Variants in EFR3B observed in about 807,000 individuals in gnomAD.
EFR3B encodes EFR3 homolog B.
A neutral mutation model predicts 104.7 loss-of-function variants in EFR3B; 64 were observed. The observed-to-expected ratio is 0.61, with a 90% CI of 0.50 to 0.75. The LOEUF (loss-of-function observed/expected upper bound fraction) is 0.75. Ranked by LOEUF, EFR3B falls within the 30% of genes least tolerant of loss-of-function variation. The pLI, the probability that EFR3B is intolerant of heterozygous loss-of-function variation, is 0.00. For synonymous variants in EFR3B, 385 were observed against 417.9 expected, an observed-to-expected ratio of 0.92 and a Z score of 0.96; for missense variants, 750 against 1,078.5, an observed-to-expected ratio of 0.70 and a Z score of 4.27.
At chr2:25,115,424 C>T (rs1382964217) in intron 4 of EFR3B, among the ~76,000 whole-genome samples, 1 of 152,180 alleles carries the variant, frequency 6.6e-6, no homozygotes, top group Non-Finnish European at 1.5e-5. Flanking sequence ...TCACTTGCTC[C>T]CTTTAAGCCT....
chr2:25,133,049 C>A, intron 11 of EFR3B, 35 bp downstream of exon 11: 1 of 1,522,690 alleles, frequency 6.6e-7, no homozygotes, highest in Non-Finnish European at 8.9e-7. Flanking sequence ...TGGAGTCCTC[C>A]TCTCCCCCAG....
rs577176193 is a variant in EFR3B, at chr2:25,148,347, G to A, written c.2143-1347G>A. On this transcript the variant is annotated intron_variant, in intron 19 of 22. Transcript: ENST00000403714. ...TGGCTCACTGCAATCTCCACCTCCC[G>A]GTTTCAAGCAATTCTCTTGCCTCAG... Among the ~76,000 whole-genome samples the A allele has an allele frequency of 4.0e-4, 61 of 151,448 alleles. 1 individual carries two copies. The highest frequency in any genetic ancestry group is 1.0e-3 in the African/African-American group (42 of 41,356).
chr2:25,118,457 A>T (rs1201606073), intron 4 of EFR3B, among the ~76,000 whole-genome samples: 1 of 152,156 alleles, frequency 6.6e-6, no homozygotes, highest in Non-Finnish European at 1.5e-5. Context: ...GTGTATACAC[A>T]GATATGCCAC....
At chr2:25,117,920 C>T (rs1029952838) in intron 4 of EFR3B, among the ~76,000 whole-genome samples, 3 of 152,188 alleles carry the variant, frequency 2.0e-5, no homozygotes, top group African/African-American at 7.2e-5. Flanking sequence ...CAGCCCCTGG[C>T]AATCACCCTT....
chr2:25,066,751 G>A (rs1249997867), intron 1 of EFR3B, among the ~76,000 whole-genome samples: 1 of 152,152 alleles, frequency 6.6e-6, no homozygotes. Flanking sequence ...TAATGCACTT[G>A]ATGCATTTTG....
chr2:25,096,479 A>AT (rs1007027656), intron 3 of EFR3B, among the ~76,000 whole-genome samples: 3 of 152,058 alleles, frequency 2.0e-5, no homozygotes, highest in African/African-American at 7.2e-5. Flanking sequence ...GCTATGTATG[A>AT]TCTTTAACAC....
Position 25,131,687 on chromosome 2 carries a change from G to C in EFR3B, c.986-63G>C. On this transcript the variant is annotated intron_variant, in intron 9 of 22. Coordinates refer to ENST00000403714, the MANE Select transcript of EFR3B (RefSeq NM_014971.2). The surrounding 1 kb of genome is among the most constrained non-coding windows in gnomAD (Gnocchi z 7.6). Reference sequence around the variant, plus strand: ...GGGCGTGACCCTGCCCTGCCTGCGCGCGGTGCACAGAGGAGGAGGGTGCCA... The same window carrying C: ...GGGCGTGACCCTGCCCTGCCTGCGCCCGGTGCACAGAGGAGGAGGGTGCCA... 6.8e-7 allele frequency: 1 copy of C among 1,478,914 alleles called. No individual in the cohort carries two copies. The highest frequency in any genetic ancestry group is 9.0e-7 in the Non-Finnish European group (1 of 1,109,410). 91.6% of individuals were successfully genotyped at this position (1,478,914 alleles called of 1,614,324 possible).
chr2:25,070,884 C>T (rs892780997), intron 1 of EFR3B, among the ~76,000 whole-genome samples: 15 of 152,146 alleles, frequency 9.9e-5, no homozygotes, highest in Admixed American at 8.5e-4. Flanking sequence ...TGCAGAGATC[C>T]GCACGTTAAT....
rs962758900 is a variant in EFR3B at position 25,114,391 on chromosome 2, C to A, written c.364-7282C>A. Among the ~76,000 whole-genome samples the A allele has an allele frequency of 9.9e-5, 15 of 152,160 alleles. No homozygotes were observed. Among genetic ancestry groups the A allele is most frequent in the African/African-American group, 3.6e-4 (15 of 41,438 alleles). On this transcript the variant is annotated intron_variant, in intron 4 of 22. Coordinates refer to ENST00000403714, the MANE Select transcript of EFR3B (RefSeq NM_014971.2). This position sits in a 1 kb window ranked among gnomAD's most constrained non-coding sequence, Gnocchi z 4.0. Reference sequence around the variant, plus strand: ...CCACAAGCTGTCAAACCAAGGGATCCTAAGGAGGCTCGAGATCCTGGTACC... The same window carrying A: ...CCACAAGCTGTCAAACCAAGGGATCATAAGGAGGCTCGAGATCCTGGTACC...
In EFR3B at chr2:25,155,827, G is replaced by A. The variant is rs899461344; in HGVS notation, c.*1487G>A. ...CTTTCCAAAGGAGGCAGGGTGAGTA[G>A]ATTTCTTGATCCAAAGGAATCCGTT... On this transcript the variant is annotated 3_prime_UTR_variant, in exon 23 of 23. Coordinates refer to ENST00000403714, the MANE Select transcript of EFR3B (RefSeq NM_014971.2). 1 of 152,108 alleles carries A rather than the reference G, an allele frequency of 6.6e-6. No homozygotes were observed. The highest frequency in any genetic ancestry group is 2.4e-5 in the African/African-American group (1 of 41,414). The allele number at this position is 152,108 out of a possible 1,614,324, so 9.4% of individuals were successfully genotyped here.
chr2:25,105,546 G>A (rs1247116205), intron 4 of EFR3B, among the ~76,000 whole-genome samples: 2 of 152,156 alleles, frequency 1.3e-5, no homozygotes, highest in Non-Finnish European at 2.9e-5. Flanking sequence ...TCCTTCCAAG[G>A]ACCAAGAGTA....
intron 3 of EFR3B, 103 bp downstream of exon 3, chr2:25,093,233 G>T: frequency 7.0e-7 from 1 of 1,428,696 alleles, no homozygotes. Context: ...AGTGGCTCAC[G>T]CCTGTAATCC....
intron 1 of EFR3B, among the ~76,000 whole-genome samples, chr2:25,067,761 T>C (rs1668379024): frequency 6.6e-6 from 1 of 152,208 alleles, no homozygotes; most frequent in Non-Finnish European, 1.5e-5. Flanking sequence ...TCAATTCAGC[T>C]GCTGCCTAGT....
At position 25,042,714 on chromosome 2, in the gene EFR3B, A is replaced by G; in HGVS notation, c.7+395A>G. 1.0e-6 allele frequency: 1 copy of G among 990,678 alleles called. No individual in the cohort carries two copies. The highest frequency in any genetic ancestry group is 1.2e-6 in the Non-Finnish European group (1 of 832,828). The allele number at this position is 990,678 out of a possible 1,614,324, so 61.4% of individuals were successfully genotyped here. On this transcript the variant is annotated intron_variant, in intron 1 of 22. Coordinates refer to ENST00000403714, the MANE Select transcript of EFR3B (RefSeq NM_014971.2). This position sits in a 1 kb window ranked among gnomAD's most constrained non-coding sequence, Gnocchi z 5.4. The stretch of plus-strand genomic sequence containing the variant: ...TGGGAAGCCGGTCCAGGGCTGAGGG[A>G]GACGCCCGCGGCCGGTCGTCTGCGC...
At chr2:25,100,161 G>A (rs559393014) in intron 3 of EFR3B, among the ~76,000 whole-genome samples, 4 of 152,072 alleles carry the variant, frequency 2.6e-5, no homozygotes, top group South Asian at 2.1e-4. Context: ...CCGAGATTGC[G>A]CCATTGCACT....
chr2:25,052,611 C>T (rs1417525877), intron 1 of EFR3B, among the ~76,000 whole-genome samples: 1 of 150,930 alleles, frequency 6.6e-6, no homozygotes, highest in Non-Finnish European at 1.5e-5. Flanking sequence ...ATGCAATTCT[C>T]CTGCCTCAGC....
chr2:25,056,776 C>T (rs1454075202), intron 1 of EFR3B, among the ~76,000 whole-genome samples: 1 of 152,150 alleles, frequency 6.6e-6, no homozygotes, highest in Non-Finnish European at 1.5e-5. Flanking sequence ...ACGTTCTCCT[C>T]TCCCCCAGAC....
chr2:25,125,676 C>T (rs920895899), intron 5 of EFR3B, among the ~76,000 whole-genome samples: 5 of 152,170 alleles, frequency 3.3e-5, no homozygotes, highest in African/African-American at 1.2e-4. Flanking sequence ...AGGCCAGGCA[C>T]GGTGGCTCAC....
At chr2:25,056,436 C>CT (rs5829958) in intron 1 of EFR3B, among the ~76,000 whole-genome samples, 101,138 of 140,914 alleles carry the variant, frequency 0.72, 36,181 homozygotes, top group Middle Eastern at 0.84. Context: ...ATTACTTGTG[C>CT]TTTTTTTTTT....
Sources: allele counts gnomAD v4.1 joint callset (sites outside exome capture counted in the v4.1 genomes callset), GRCh38; gene constraint gnomAD v4.1.1; non-coding constraint Gnocchi (gnomAD v3.1); transcripts MANE v1.5; gene names NCBI Gene and HGNC (gene_info 2026-07-23, HGNC 2026-07-21).